ATP6V0A4: variants seen among roughly 807,000 people sequenced by gnomAD.
ATP6V0A4 encodes the protein ATPase H+ transporting V0 subunit a4, also known as V-type proton ATPase 116 kDa subunit a 4.
In ATP6V0A4, 86 loss-of-function variants were observed where a neutral mutation model predicts 107.3. The observed-to-expected ratio is 0.80, with a 90% CI of 0.67 to 0.96. The LOEUF (loss-of-function observed/expected upper bound fraction) is 0.96. ATP6V0A4 is among the 40% of genes least tolerant of loss of function. ATP6V0A4 has a pLI of 0.00. For synonymous variants in ATP6V0A4, 353 were observed against 381.4 expected (o/e 0.93, Z 0.87); for missense variants, 908 against 1,045.6 (o/e 0.87, Z 1.81).
At chr7:138,781,822 T>A (rs112491493) in intron 2 of ATP6V0A4, among the ~76,000 whole-genome samples, 1 of 136,172 alleles carries the variant, frequency 7.3e-6, no homozygotes, top group Non-Finnish European at 1.5e-5. Context: ...TTTAAAGAAA[T>A]TTTTCTCTGT....
At chr7:138,737,103 T>A (rs1805363192) in intron 15 of ATP6V0A4, among the ~76,000 whole-genome samples, 1 of 133,096 alleles carries the variant, frequency 7.5e-6, no homozygotes. Context: ...ATGTAAAAAG[T>A]AAGCCCTTAT....
Position 138,797,660 on chromosome 7 carries a change from C to G in ATP6V0A4, c.-121+374G>C, listed in dbSNP as rs114934057. On this transcript the variant is annotated intron_variant, in intron 1 of 21. Transcript: ENST00000310018. ...CGTGTTTGTAATTAACGCACTTCGA[C>G]AGCAGGTATCTCCCAACTTCAGCAT... Among the ~76,000 whole-genome samples, 1,029 of 152,174 alleles carry G rather than the reference C, an allele frequency of 6.8e-3. 15 individuals carry two copies. Among genetic ancestry groups the G allele is most frequent in the South Asian group, 0.045 (219 of 4,814 alleles).
At chr7:138,706,778 C>G in intron 21 of ATP6V0A4, 61 bp from the exon 22 acceptor site, 1 of 1,601,572 alleles carries the variant, frequency 6.2e-7, no homozygotes, top group Admixed American at 1.7e-5. Context: ...CAGTTAGAGG[C>G]TGGAAGGTGG....
chr7:138,706,490 T>C lies in ATP6V0A4; in HGVS notation c.*134A>G, dbSNP rs1007355074. ...TCAAATCCACAGGCTGACGTCCAAA[T>C]AATACACAGTTTCATGCTTCAGGTG... is the stretch of plus-strand genomic sequence containing the variant. On this transcript the variant is annotated 3_prime_UTR_variant, in exon 22 of 22. Coordinates refer to ENST00000310018, the MANE Select transcript of ATP6V0A4 (RefSeq NM_020632.3). The C allele has an allele frequency of 9.0e-7, 1 of 1,115,544 alleles. No individual in the cohort carries two copies. Among genetic ancestry groups the C allele is most frequent in the South Asian group, 1.3e-5 (1 of 75,050 alleles). 69.1% of individuals were successfully genotyped at this position (1,115,544 alleles called of 1,614,324 possible).
chr7:138,711,217 G>C (rs188111205), intron 20 of ATP6V0A4, among the ~76,000 whole-genome samples: 117 of 152,252 alleles, frequency 7.7e-4, no homozygotes, highest in African/African-American at 2.4e-3. Flanking sequence ...AAAAGGCCCT[G>C]AGGGGAGTGA....
rs1337911332 is a variant in ATP6V0A4 at position 138,708,264 on chromosome 7, A to C, written c.2429+1360T>G. ...GGGGTTTCTCCACGTCGATCAGGTC[A>C]CAAACTCCTGACCTCAGCTGATCCG... On this transcript the variant is annotated intron_variant, in intron 21 of 21. Transcript: ENST00000310018. Among the ~76,000 whole-genome samples, 3 of 151,812 alleles carry C rather than the reference A, an allele frequency of 2.0e-5. 1 individual carries two copies. Among genetic ancestry groups the C allele is most frequent in the Middle Eastern group, 6.3e-3 (2 of 316 alleles).
At chr7:138,755,539 G>A in intron 10 of ATP6V0A4, 150 bp downstream of exon 10, 1 of 1,096,718 alleles carries the variant, frequency 9.1e-7, no homozygotes, top group Non-Finnish European at 1.3e-6. Context: ...TCCCAATTGT[G>A]AAATCTTCCA....
At chr7:138,715,185 T>C (rs983810286) in intron 20 of ATP6V0A4, among the ~76,000 whole-genome samples, 8 of 152,082 alleles carry the variant, frequency 5.3e-5, no homozygotes, top group African/African-American at 1.9e-4. Flanking sequence ...GACACCAAAT[T>C]TGTGTTGTTG....
chr7:138,718,277 GCGGTGT>G (rs1292707517), intron 19 of ATP6V0A4, among the ~76,000 whole-genome samples: 2 of 27,992 alleles, frequency 7.1e-5, no homozygotes, highest in Non-Finnish European at 1.2e-4. Flanking sequence ...GGAAGGAATG[GCGGTGT>G]GTGTGTGTGT....
At chr7:138,744,923 G>A (rs1254811463) in intron 14 of ATP6V0A4, among the ~76,000 whole-genome samples, 200 bp downstream of exon 14, 1 of 152,034 alleles carries the variant, frequency 6.6e-6, no homozygotes, top group African/African-American at 2.4e-5. Flanking sequence ...GGCTGGTCTC[G>A]AACTCCTAAC....
At chr7:138,765,377 G>A (rs1807034979) in intron 5 of ATP6V0A4, among the ~76,000 whole-genome samples, 2 of 152,134 alleles carry the variant, frequency 1.3e-5, no homozygotes, top group South Asian at 4.1e-4. Flanking sequence ...ACTTAAGGAT[G>A]CCATAAAAAT....
intron 12 of ATP6V0A4, among the ~76,000 whole-genome samples, chr7:138,748,907 G>A (rs967458383): frequency 2.6e-5 from 4 of 152,180 alleles, no homozygotes; most frequent in African/African-American, 9.7e-5. Flanking sequence ...GTTTAAGGGT[G>A]CACAGGTGAA....
At chr7:138,738,197 A>T (rs1188724987) in intron 15 of ATP6V0A4, among the ~76,000 whole-genome samples, 1 of 152,212 alleles carries the variant, frequency 6.6e-6, no homozygotes, top group Non-Finnish European at 1.5e-5. Context: ...CATTATTTTC[A>T]ATATCCCACA....
At chr7:138,743,457 C>CAA (rs11458268) in intron 14 of ATP6V0A4, among the ~76,000 whole-genome samples, 4,007 of 125,166 alleles carry the variant, frequency 0.032, 203 homozygotes, top group African/African-American at 0.11. Flanking sequence ...GACTCCATCT[C>CAA]AAAAAAAAAA....
intron 1 of ATP6V0A4, among the ~76,000 whole-genome samples, chr7:138,790,149 A>C (rs909859825): frequency 1.3e-5 from 2 of 152,138 alleles, no homozygotes; most frequent in Admixed American, 6.6e-5. Context: ...TTCATTCCAA[A>C]CATTTTTCAT....
chr7:138,749,252 T>A lies in ATP6V0A4; in HGVS notation c.1095A>T (p.Thr365=), dbSNP rs765541716. The A allele has an allele frequency of 6.2e-7, 1 of 1,613,124 alleles. No homozygotes were observed. Among genetic ancestry groups the A allele is most frequent in the Non-Finnish European group, 8.5e-7 (1 of 1,179,862 alleles). The part of the protein sequence containing the change: ...TTVQSKTAPP[T]FNRTNKFTAG... ...CTGTGAATTTATTGGTCCTGTTAAA[T>A]GTGGGAGGGGCTGTTTTAGATTGCA... The change falls in exon 12 of 22, where the codon ACA becomes ACT. Residue 365 remains threonine (T), a synonymous_variant. Coordinates refer to ENST00000310018, the MANE Select transcript of ATP6V0A4 (RefSeq NM_020632.3).
chr7:138,789,596 T>C (rs947501514), intron 1 of ATP6V0A4, among the ~76,000 whole-genome samples: 3 of 152,106 alleles, frequency 2.0e-5, no homozygotes, highest in Admixed American at 2.0e-4. Flanking sequence ...TGAACATTTT[T>C]CCCAGGTAAT....
chr7:138,790,652 A>T (rs1291189055), intron 1 of ATP6V0A4, among the ~76,000 whole-genome samples: 1 of 152,164 alleles, frequency 6.6e-6, no homozygotes, highest in Non-Finnish European at 1.5e-5. Flanking sequence ...CCAAGCTTTC[A>T]CTTTTACAAA....
At chr7:138,732,852 A>T (rs756800454) in intron 17 of ATP6V0A4, 25 bp downstream of exon 17, 1 of 580,618 alleles carries the variant, frequency 1.7e-6, no homozygotes, top group Non-Finnish European at 2.4e-6. Flanking sequence ...AAAGAAGAGT[A>T]AAAAAAAAAA....
Sources: gnomAD v4.1 joint callset for allele counts (sites outside exome capture counted in the v4.1 genomes callset) on GRCh38, gnomAD v4.1.1 for gene constraint, MANE v1.5 for transcripts, NCBI Gene and HGNC (gene_info 2026-07-23, HGNC 2026-07-21) for gene names.